BCKDHB: variants seen among roughly 807,000 people sequenced by gnomAD.
The protein encoded by BCKDHB is branched chain keto acid dehydrogenase E1 subunit beta, also known as 2-oxoisovalerate dehydrogenase subunit beta, mitochondrial.
Under a neutral mutation model 48.5 loss-of-function variants are expected in BCKDHB, and 41 were observed. That is an observed-to-expected ratio of 0.85 (90% CI 0.66 to 1.10). The LOEUF (loss-of-function observed/expected upper bound fraction) is 1.10. Among genes scored for constraint, BCKDHB ranks in the 50% least tolerant of loss-of-function variants. The probability of loss-of-function intolerance (pLI) is 0.00; values close to 1 mark genes in which losing one functional copy is unlikely to be tolerated. For synonymous variants in BCKDHB, 201 were observed against 174.8 expected, an observed-to-expected ratio of 1.15 and a Z score of -1.18; for missense variants, 496 against 494.2, an observed-to-expected ratio of 1.00 and a Z score of -0.03.
At chr6:80,169,271 A>G (rs1293403253) in intron 5 of BCKDHB, among the ~76,000 whole-genome samples, 1 of 152,136 alleles carries the variant, frequency 6.6e-6, no homozygotes, top group African/African-American at 2.4e-5. Context: ...GCATTGATTA[A>G]TTTTATAGAC....
At chr6:80,310,778 A>G (rs943710178) in intron 9 of BCKDHB, among the ~76,000 whole-genome samples, 1 of 152,084 alleles carries the variant, frequency 6.6e-6, no homozygotes, top group African/African-American at 2.4e-5. Context: ...TTGATGTTTT[A>G]GTAGTAGCCA....
At chr6:80,439,034 C>T in the BCKDHB span, among the ~76,000 whole-genome samples, 2 of 152,156 alleles carry the variant, frequency 1.3e-5, no homozygotes, top group African/African-American at 4.8e-5. Flanking sequence ...CTCCCTCATC[C>T]TCTGGGATAC....
At chr6:80,264,158 C>CT (rs1437281867) in intron 8 of BCKDHB, among the ~76,000 whole-genome samples, 1 of 152,068 alleles carries the variant, frequency 6.6e-6, no homozygotes, top group Non-Finnish European at 1.5e-5. Context: ...TAATTTCTTT[C>CT]TTTCTTGGGT....
chr6:80,326,700 C>T, intron 9 of BCKDHB, among the ~76,000 whole-genome samples: 1 of 151,990 alleles, frequency 6.6e-6, no homozygotes, highest in East Asian at 1.9e-4. Flanking sequence ...CCAGCCTGGG[C>T]AATATGGTGA....
intron 8 of BCKDHB, among the ~76,000 whole-genome samples, chr6:80,236,076 A>G (rs1244618876): frequency 6.6e-6 from 1 of 152,218 alleles, no homozygotes; most frequent in African/African-American, 2.4e-5. Flanking sequence ...TTTCAATCTC[A>G]AGTTTATTCA....
the BCKDHB span, among the ~76,000 whole-genome samples, chr6:80,361,045 T>TTA: frequency 6.6e-6 from 1 of 151,244 alleles, no homozygotes; most frequent in Non-Finnish European, 1.5e-5. Context: ...AATTAGAAAG[T>TTA]TATATAGCTT....
chr6:80,333,687 T>C (rs1769432688), intron 9 of BCKDHB, among the ~76,000 whole-genome samples: 1 of 152,118 alleles, frequency 6.6e-6, no homozygotes, highest in Admixed American at 6.6e-5. Context: ...TTTATGTAGT[T>C]TAGCCCCAAG....
At chr6:80,298,289 T>A (rs1767366410) in intron 9 of BCKDHB, among the ~76,000 whole-genome samples, 1 of 152,024 alleles carries the variant, frequency 6.6e-6, no homozygotes, top group African/African-American at 2.4e-5. Flanking sequence ...ACTTTAGTAT[T>A]TGTGGTAGAG....
chr6:80,255,080 TCAC>T (rs1428230120), intron 8 of BCKDHB, among the ~76,000 whole-genome samples: 1 of 152,224 alleles, frequency 6.6e-6, no homozygotes, highest in Admixed American at 6.5e-5. Flanking sequence ...GATTACATTG[TCAC>T]CACATGTTAT....
intron 7 of BCKDHB, among the ~76,000 whole-genome samples, chr6:80,202,230 G>T (rs1247109734): frequency 6.6e-6 from 1 of 152,044 alleles, no homozygotes; most frequent in Non-Finnish European, 1.5e-5. Flanking sequence ...GGTTTACTTA[G>T]CAACCTCTGC....
the BCKDHB span, among the ~76,000 whole-genome samples, chr6:80,409,697 T>G: frequency 1.4e-5 from 2 of 147,264 alleles, no homozygotes; most frequent in Admixed American, 1.4e-4. Context: ...TTGTCTCTTT[T>G]GACTTTTGTT....
At chr6:80,169,733 T>G (rs1772796958) in intron 5 of BCKDHB, 2 of 1,386,842 alleles carry the variant, frequency 1.4e-6, no homozygotes. Context: ...GATGTATATT[T>G]GTTTTTTGAC....
intron 9 of BCKDHB, among the ~76,000 whole-genome samples, chr6:80,285,978 A>C (rs1026778990): frequency 6.6e-6 from 1 of 152,006 alleles, no homozygotes; most frequent in African/African-American, 2.4e-5. Flanking sequence ...GTGTAGTAAG[A>C]GATGTTGATT....
chr6:80,456,591 G>A, the BCKDHB span, among the ~76,000 whole-genome samples: 1 of 152,198 alleles, frequency 6.6e-6, no homozygotes, highest in Non-Finnish European at 1.5e-5. Flanking sequence ...AAGTAAAGCA[G>A]CTAAGCATTT....
At chr6:80,133,793 C>T (rs1562074396) in intron 3 of BCKDHB, among the ~76,000 whole-genome samples, 2 of 152,048 alleles carry the variant, frequency 1.3e-5, no homozygotes, top group Admixed American at 1.3e-4. Flanking sequence ...CAGGTGCCCA[C>T]CACCACACCT....
intron 9 of BCKDHB, among the ~76,000 whole-genome samples, chr6:80,280,262 A>G (rs551337674): frequency 4.4e-4 from 67 of 152,336 alleles, no homozygotes; most frequent in African/African-American, 1.5e-3. Flanking sequence ...GTTCTTGGCA[A>G]ATAGAAAGTA....
the BCKDHB span, among the ~76,000 whole-genome samples, chr6:80,421,112 G>T: frequency 6.6e-6 from 1 of 152,136 alleles, no homozygotes; most frequent in Non-Finnish European, 1.5e-5. Context: ...GGGACCTGGT[G>T]GGAGGTGATT....
rs150861405 is a variant in BCKDHB at position 80,152,422 on chromosome 6, G to A, written c.344-15256G>A. Among the ~76,000 whole-genome samples, 265 of 152,192 alleles carry A rather than the reference G, an allele frequency of 1.7e-3. 1 individual carries two copies. The highest frequency in any genetic ancestry group is 6.0e-3 in the African/African-American group (250 of 41,534). ...GTAAATATCAGTTTGCCTGAAATGA[G>A]TTTTTGTGTTTTTCTCTTCAAGTGT... is the stretch of plus-strand genomic sequence containing the variant. On this transcript the variant is annotated intron_variant, in intron 3 of 9. Transcript: ENST00000320393.
chr6:80,173,107 A>G (rs1017159974), intron 6 of BCKDHB, among the ~76,000 whole-genome samples: 2 of 152,196 alleles, frequency 1.3e-5, no homozygotes, highest in African/African-American at 4.8e-5. Context: ...AAGATTTGAA[A>G]AAGTAATATT....
Sources: gnomAD v4.1 joint callset for allele counts (sites outside exome capture counted in the v4.1 genomes callset) on GRCh38, gnomAD v4.1.1 for gene constraint, MANE v1.5 for transcripts, NCBI Gene and HGNC (gene_info 2026-07-23, HGNC 2026-07-21) for gene names.